The following CD163 variants were observed in gnomAD, a reference collection of about 807,000 sequenced individuals.
CD163 encodes the protein scavenger receptor cysteine-rich type 1 protein M130.
Under a neutral mutation model 129.2 loss-of-function variants are expected in CD163, and 64 were observed. The observed-to-expected ratio is 0.50, with a 90% CI of 0.41 to 0.61. The LOEUF (loss-of-function observed/expected upper bound fraction) is 0.61. Among genes scored for constraint, CD163 ranks in the 20% least tolerant of loss-of-function variants. The probability of loss-of-function intolerance (pLI) is 0.00; values close to 1 mark genes in which losing one functional copy is unlikely to be tolerated. For missense variants in CD163, 1,061 were observed against 1,377.9 expected, an observed-to-expected ratio of 0.77 and a Z score of 3.64; for synonymous variants, 446 against 478.5, an observed-to-expected ratio of 0.93 and a Z score of 0.89.
chr12:7,491,664 G>A (rs1949328897), intron 6 of CD163, among the ~76,000 whole-genome samples: 1 of 151,990 alleles, frequency 6.6e-6, no homozygotes, highest in Admixed American at 6.6e-5. Flanking sequence ...ATACAATTAT[G>A]ATTTAAAGAA....
intron 6 of CD163, among the ~76,000 whole-genome samples, chr12:7,490,956 T>C (rs974576690): frequency 6.6e-6 from 1 of 151,970 alleles, no homozygotes; most frequent in East Asian, 1.9e-4. Context: ...TATTCAAGCA[T>C]GAAATTTCTC....
chr12:7,499,304 T>C, intron 3 of CD163, 116 bp from the exon 4 acceptor site: 1 of 854,468 alleles, frequency 1.2e-6, no homozygotes, highest in South Asian at 1.7e-5. Flanking sequence ...GGTGCCTGAT[T>C]TTGGACATTG....
chr12:7,503,329 C>G (rs1308773800), intron 1 of CD163, among the ~76,000 whole-genome samples: 1 of 152,118 alleles, frequency 6.6e-6, no homozygotes, highest in African/African-American at 2.4e-5. Context: ...GTAATTAACT[C>G]TCTATCAATA....
In CD163 at chr12:7,483,684, T is replaced by G. The variant is rs1329302753; in HGVS notation, c.2780-9A>C. ...CTGAAGTCTTATCTTGTCTGAAAAA[T>G]CAGAGACATGTAGCCTATTTCTAAG... On this transcript the variant is annotated splice_polypyrimidine_tract_variant and intron_variant, in intron 11 of 16. Transcript: ENST00000432237. 3.8e-6 allele frequency: 6 copies of G among 1,594,924 alleles called. No individual in the cohort carries two copies. The highest frequency in any genetic ancestry group is 4.3e-6 in the Non-Finnish European group (5 of 1,169,064).
chr12:7,485,155 G>C lies in CD163; in HGVS notation c.2720C>G (p.Ser907Ter), dbSNP rs950673820. ...GGCCAGTCTCTTCTCCCATGGAGAT[G>C]ATGGGCACTGCCACAGCGTGTCAGG... ...KGPDTLWQCPSSPWEKRLASP... is the reference protein window; with the variant it reads ...KGPDTLWQCP The change falls in exon 11 of 17, where the codon TCA becomes TGA. Residue 907 changes from serine to a stop codon, truncating the protein, a stop_gained. Coordinates refer to ENST00000432237, the MANE Select transcript of CD163 (RefSeq NM_203416.4). LOFTEE classifies it high-confidence loss of function. The surrounding 1 kb of genome is among the most constrained non-coding windows in gnomAD (Gnocchi z 4.5). 6.2e-7 allele frequency: 1 copy of C among 1,614,044 alleles called. No individual in the cohort carries two copies. Among genetic ancestry groups the C allele is most frequent in the Non-Finnish European group, 8.5e-7 (1 of 1,179,940 alleles).
At chr12:7,498,146 C>CACACACACACACACAG (rs537347284) in intron 4 of CD163, among the ~76,000 whole-genome samples, 45 of 148,946 alleles carry the variant, frequency 3.0e-4, no homozygotes, top group African/African-American at 1.0e-3. Context: ...CACACACACA[C>CACACACACACACACAG]AGAGAGAGAG....
chr12:7,494,488 T>A (rs1361957025), intron 6 of CD163, among the ~76,000 whole-genome samples: 11 of 152,224 alleles, frequency 7.2e-5, no homozygotes, highest in Non-Finnish European at 1.5e-4. Flanking sequence ...GGTTTTCTTG[T>A]ACACTGTGTT....
At chr12:7,483,090 A>G in intron 12 of CD163, 86 bp from the exon 13 acceptor site, 1 of 1,293,606 alleles carries the variant, frequency 7.7e-7, no homozygotes, top group Non-Finnish European at 1.1e-6. Flanking sequence ...ACCCCTTAGT[A>G]CCTCTCAACC....
intron 15 of CD163, chr12:7,480,257 T>A (rs2136692778): frequency 3.1e-6 from 1 of 326,478 alleles, no homozygotes; most frequent in East Asian, 8.5e-5. Flanking sequence ...TCTCAGAAGG[T>A]CAGGGACCCT....
chr12:7,497,917 T>C (rs1949424492), intron 4 of CD163, among the ~76,000 whole-genome samples: 1 of 152,174 alleles, frequency 6.6e-6, no homozygotes, highest in Non-Finnish European at 1.5e-5. Context: ...AGGAGTTCCA[T>C]TCATTGTGGT....
At chr12:7,477,575 G>A (rs1949104417) in intron 16 of CD163, among the ~76,000 whole-genome samples, 1 of 151,976 alleles carries the variant, frequency 6.6e-6, no homozygotes, top group South Asian at 2.1e-4. Context: ...ATCACACATG[G>A]GGCCTGCTGC....
In CD163 at chr12:7,498,867, C is replaced by T; in HGVS notation, c.778+1G>A. Reference sequence around the variant, plus strand: ...TAGAATGAGCCAAGATCAGTCCTTACTTGAGCAAATCACTCCAGCATCCTC... The same window carrying T: ...TAGAATGAGCCAAGATCAGTCCTTATTTGAGCAAATCACTCCAGCATCCTC... On this transcript the variant is annotated splice_donor_variant, in intron 4 of 16. Coordinates refer to ENST00000432237, the MANE Select transcript of CD163 (RefSeq NM_203416.4). LOFTEE classifies it high-confidence loss of function. 1 of 1,612,578 alleles carries T rather than the reference C, an allele frequency of 6.2e-7. No homozygotes were observed. Among genetic ancestry groups the T allele is most frequent in the East Asian group, 2.2e-5 (1 of 44,872 alleles).
chr12:7,482,860 T>G, intron 13 of CD163, 98 bp from the exon 14 acceptor site: 1 of 1,582,300 alleles, frequency 6.3e-7, no homozygotes, highest in South Asian at 1.1e-5. Context: ...ACTTGATCCC[T>G]GAGGTAAATA....
chr12:7,479,495 G>A (rs1949132117), intron 16 of CD163, among the ~76,000 whole-genome samples: 1 of 152,002 alleles, frequency 6.6e-6, no homozygotes, highest in Admixed American at 6.6e-5. Flanking sequence ...CAAACTTTCT[G>A]TAGTGCCTTG....
At chr12:7,501,778 A>T (rs762796128) in intron 2 of CD163, among the ~76,000 whole-genome samples, 17 of 152,330 alleles carry the variant, frequency 1.1e-4, no homozygotes, top group Non-Finnish European at 1.3e-4. Flanking sequence ...GTTAAATAAG[A>T]TGCTACAAAA....
chr12:7,476,198 A>C (rs1024558633), intron 16 of CD163, among the ~76,000 whole-genome samples: 1 of 152,210 alleles, frequency 6.6e-6, no homozygotes, highest in Non-Finnish European at 1.5e-5. Flanking sequence ...ATTCTCATCA[A>C]GCTACCATCG....
chr12:7,487,262 G>C lies in CD163; in HGVS notation c.2050+97C>G. 1.6e-6 allele frequency: 2 copies of C among 1,289,112 alleles called. No homozygotes were observed. Among genetic ancestry groups the C allele is most frequent in the Non-Finnish European group, 2.1e-6 (2 of 949,352 alleles). 79.9% of individuals were successfully genotyped at this position (1,289,112 alleles called of 1,614,324 possible). A position where few individuals can be genotyped will look rare whatever the true frequency, so the allele number is the denominator to read the frequency against. ...ATGAATTAGTATTCATTCTTCTCAT[G>C]ACCCTTCAAAATGGATCACTGCGTT... On this transcript the variant is annotated intron_variant, in intron 8 of 16. Coordinates refer to ENST00000432237, the MANE Select transcript of CD163 (RefSeq NM_203416.4). This position sits in a 1 kb window ranked among gnomAD's most constrained non-coding sequence, Gnocchi z 5.1.
chr12:7,499,686 TATG>T (rs1949452422), intron 3 of CD163, among the ~76,000 whole-genome samples: 1 of 152,194 alleles, frequency 6.6e-6, no homozygotes, highest in South Asian at 2.1e-4. Flanking sequence ...TGCTAAAATT[TATG>T]ATAATTTTAA....
intron 6 of CD163, among the ~76,000 whole-genome samples, chr12:7,489,528 C>T (rs1202782170): frequency 4.6e-5 from 7 of 152,056 alleles, no homozygotes; most frequent in Admixed American, 4.6e-4. Flanking sequence ...AATGTAATGA[C>T]CTATAATGTA....
Sources: gnomAD v4.1 joint callset for allele counts (sites outside exome capture counted in the v4.1 genomes callset) on GRCh38, gnomAD v4.1.1 for gene constraint, Gnocchi (gnomAD v3.1) non-coding constraint, MANE v1.5 for transcripts, NCBI Gene and HGNC (gene_info 2026-07-23, HGNC 2026-07-21) for gene names.